YBX1: variants seen among roughly 807,000 people sequenced by gnomAD.
YBX1 encodes Y-box-binding protein 1.
Under a neutral mutation model 41.4 loss-of-function variants are expected in YBX1, and 3 were observed. That is an observed-to-expected ratio of 0.07 (90% CI 0.03 to 0.19). The LOEUF is 0.19. Among genes scored for constraint, YBX1 ranks in the 10% least tolerant of loss-of-function variants. YBX1 has a pLI of 1.00. For synonymous variants in YBX1, 133 were observed against 165.8 expected (o/e 0.80, Z 1.52); for missense variants, 274 against 462.8 (o/e 0.59, Z 3.74).
intron 3 of YBX1, among the ~76,000 whole-genome samples, chr1:42,693,935 AAGAC>A (rs1444018746): frequency 6.6e-6 from 1 of 152,244 alleles, no homozygotes; most frequent in Admixed American, 6.5e-5. Context: ...AAGGGTAAAT[AAGAC>A]AGACCTGCAA....
intron 7 of YBX1, among the ~76,000 whole-genome samples, chr1:42,701,607 C>T (rs768203865): frequency 1.3e-4 from 20 of 151,638 alleles, no homozygotes; most frequent in Non-Finnish European, 2.5e-4. Flanking sequence ...TAGAATGACA[C>T]GTGGTTTATC....
intron 2 of YBX1, among the ~76,000 whole-genome samples, chr1:42,686,946 A>G (rs568142173): frequency 6.6e-6 from 1 of 152,148 alleles, no homozygotes; most frequent in Admixed American, 6.5e-5. Flanking sequence ...GCCATTTTCA[A>G]TTTGGTTGTT....
intron 3 of YBX1, 150 bp downstream of exon 3, chr1:42,693,673 G>T: frequency 1.4e-6 from 1 of 722,704 alleles, no homozygotes. Flanking sequence ...GCTTAAAAAT[G>T]TATACGTGGA....
At chr1:42,684,349 T>G (rs1650138819) in intron 2 of YBX1, among the ~76,000 whole-genome samples, 1 of 152,244 alleles carries the variant, frequency 6.6e-6, no homozygotes, top group Admixed American at 6.5e-5. Context: ...CTAGTAGTGC[T>G]AGTTACATGG....
At chr1:42,684,941 CCTT>C (rs1333380454) in intron 2 of YBX1, among the ~76,000 whole-genome samples, 1 of 152,184 alleles carries the variant, frequency 6.6e-6, no homozygotes, top group Non-Finnish European at 1.5e-5. Flanking sequence ...GTGAGTTCCT[CCTT>C]CTGAGCCTTG....
chr1:42,687,058 G>C (rs1231184880), intron 2 of YBX1, among the ~76,000 whole-genome samples: 1 of 152,176 alleles, frequency 6.6e-6, no homozygotes, highest in Non-Finnish European at 1.5e-5. Context: ...CTGCTGACTT[G>C]CTAGGTCCTG....
At position 42,696,309 on chromosome 1, in the gene YBX1, A is replaced by G; in HGVS notation, c.354+21A>G. The G allele has an allele frequency of 6.2e-7, 1 of 1,610,004 alleles. No homozygotes were observed. Among genetic ancestry groups the G allele is most frequent in the Non-Finnish European group, 8.5e-7 (1 of 1,177,692 alleles). On this transcript the variant is annotated intron_variant, in intron 4 of 7. Coordinates refer to ENST00000321358, the MANE Select transcript of YBX1 (RefSeq NM_004559.5). The surrounding 1 kb of genome is among the most constrained non-coding windows in gnomAD (Gnocchi z 5.7). ...AAAAGGTGAGGATGCTTTTTGTGTA[A>G]AGGTTTGACTTCAGTATGGAAATAT... is the stretch of plus-strand genomic sequence containing the variant.
At chr1:42,692,110 G>A (rs1038313151) in intron 2 of YBX1, among the ~76,000 whole-genome samples, 3 of 152,194 alleles carry the variant, frequency 2.0e-5, no homozygotes, top group African/African-American at 7.2e-5. Flanking sequence ...TTGCAGGCGT[G>A]AGCCACTGCA....
At position 42,697,019 on chromosome 1, in the gene YBX1, G is replaced by A. The variant is rs1336239090; in HGVS notation, c.657+75G>A. On this transcript the variant is annotated intron_variant, in intron 5 of 7. Coordinates refer to ENST00000321358, the MANE Select transcript of YBX1 (RefSeq NM_004559.5). ...TTTAGAGCTGTTAATTATATGGAAA[G>A]CAACTTGGATTCCTAGTAAGAACCA... The A allele has an allele frequency of 4.7e-6, 7 of 1,475,366 alleles. No homozygotes were observed. In the East Asian group the frequency reaches 1.2e-4, roughly 25 times the overall value. 91.4% of individuals were successfully genotyped at this position (1,475,366 alleles called of 1,614,324 possible).
chr1:42,692,108 G>A (rs377708258), intron 2 of YBX1, among the ~76,000 whole-genome samples: 3 of 152,224 alleles, frequency 2.0e-5, no homozygotes, highest in Admixed American at 2.0e-4. Context: ...GATTGCAGGC[G>A]TGAGCCACTG....
chr1:42,682,777 C>A, intron 1 of YBX1, 46 bp downstream of exon 1: 2 of 1,167,254 alleles, frequency 1.7e-6, no homozygotes, highest in Non-Finnish European at 2.1e-6. Flanking sequence ...GGCAGCCCAG[C>A]AGCGGAACCG....
At chr1:42,686,634 G>A (rs1650204301) in intron 2 of YBX1, among the ~76,000 whole-genome samples, 1 of 152,224 alleles carries the variant, frequency 6.6e-6, no homozygotes, top group Non-Finnish European at 1.5e-5. Flanking sequence ...TCCCTTTGGG[G>A]TGGGGGCTCC....
At chr1:42,689,294 A>G (rs1237462628) in intron 2 of YBX1, among the ~76,000 whole-genome samples, 2 of 152,236 alleles carry the variant, frequency 1.3e-5, no homozygotes, top group Non-Finnish European at 2.9e-5. Context: ...TCTTACAGTC[A>G]TCTACAAGGC....
rs530843716 is a variant in YBX1, at chr1:42,696,750, C to G, written c.463C>G (p.Pro155Ala). The G allele has an allele frequency of 1.9e-6, 3 of 1,613,798 alleles. No homozygotes were observed. The highest frequency in any genetic ancestry group is 3.3e-5 in the Admixed American group (2 of 60,002). ...ACGCTATCCACGTCGTAGGGGTCCT[C>G]CACGCAATTACCAGCAAAATTACCA... is the stretch of plus-strand genomic sequence containing the variant. ...YRRYPRRRGP[P>A]RNYQQNYQNS... The change falls in exon 5 of 8, where the codon CCA (proline) becomes GCA (alanine). Residue 155 changes from proline to alanine, a missense_variant. By Grantham distance (27) the Pro-to-Ala change is conservative (BLOSUM62 -1). Around this residue, in one of 3 missense-constraint regions of YBX1, gnomAD observed 187 missense variants for 306.3 expected, o/e 0.61. Transcript: ENST00000321358. The surrounding 1 kb of genome is among the most constrained non-coding windows in gnomAD (Gnocchi z 5.7).
chr1:42,694,900 G>A (rs532098892), intron 3 of YBX1, among the ~76,000 whole-genome samples: 6 of 152,150 alleles, frequency 3.9e-5, no homozygotes, highest in African/African-American at 1.4e-4. Context: ...CTTGTTGCCT[G>A]TTGGCAACCC....
At position 42,683,491 on chromosome 1, in the gene YBX1, C is replaced by G. The variant is rs1474584106; in HGVS notation, c.230+25C>G. 4 of 1,612,366 alleles carry G rather than the reference C, an allele frequency of 2.5e-6. No individual in the cohort carries two copies. The East Asian group carries it at 6.7e-5, about 27-fold the overall frequency. On this transcript the variant is annotated intron_variant, in intron 2 of 7. Coordinates refer to ENST00000321358, the MANE Select transcript of YBX1 (RefSeq NM_004559.5). ...GGTGAGCTGCCGGGCTCTGAAGCCT[C>G]CATCCCACCTTCTTGCTTGCTTCCT... is the stretch of plus-strand genomic sequence containing the variant.
At chr1:42,683,649 A>G (rs899997420) in intron 2 of YBX1, among the ~76,000 whole-genome samples, 183 bp downstream of exon 2, 2 of 152,244 alleles carry the variant, frequency 1.3e-5, no homozygotes, top group African/African-American at 2.4e-5. Context: ...GTGGATCTAG[A>G]GAATGCCTTT....
chr1:42,692,250 C>G (rs906451603), intron 2 of YBX1, among the ~76,000 whole-genome samples: 2 of 152,136 alleles, frequency 1.3e-5, no homozygotes, highest in African/African-American at 2.4e-5. Context: ...CCCTTAGAGC[C>G]TTAGAGTTTG....
At chr1:42,691,562 C>G (rs985407481) in intron 2 of YBX1, among the ~76,000 whole-genome samples, 1 of 152,046 alleles carries the variant, frequency 6.6e-6, no homozygotes, top group Non-Finnish European at 1.5e-5. Flanking sequence ...ATGTGAATAC[C>G]TGTTGTAACT....
Sources: gnomAD v4.1 joint callset for allele counts (sites outside exome capture counted in the v4.1 genomes callset) on GRCh38, gnomAD v4.1.1 for gene constraint, gnomAD v4.1.1 regional missense constraint, Gnocchi (gnomAD v3.1) non-coding constraint, MANE v1.5 for transcripts, NCBI Gene and HGNC (gene_info 2026-07-23, HGNC 2026-07-21) for gene names.